The following DLG2 variants were observed in gnomAD, a reference collection of about 807,000 sequenced individuals.
The protein encoded by DLG2 is disks large homolog 2.
A neutral mutation model predicts 132.5 loss-of-function variants in DLG2; 45 were observed. That is an observed-to-expected ratio of 0.34 (90% CI 0.27 to 0.44). DLG2 has a LOEUF of 0.44. DLG2 is among the 20% of genes least tolerant of loss of function. DLG2 has a pLI of 1.00. For synonymous variants in DLG2, 424 were observed against 419.6 expected, an observed-to-expected ratio of 1.01 and a Z score of -0.13; for missense variants, 1,045 against 1,196.9, an observed-to-expected ratio of 0.87 and a Z score of 1.87.
intron 6 of DLG2, among the ~76,000 whole-genome samples, chr11:84,852,907 A>G (rs1350014656): frequency 3.3e-5 from 5 of 152,018 alleles, no homozygotes; most frequent in African/African-American, 1.2e-4. Flanking sequence ...CTAGTGCTAG[A>G]ACCTCCACAC....
chr11:83,926,461 T>TA (rs1341579319), intron 15 of DLG2, among the ~76,000 whole-genome samples: 1 of 152,166 alleles, frequency 6.6e-6, no homozygotes, highest in African/African-American at 2.4e-5. Context: ...TACTGCATCC[T>TA]AAAAATCAGG....
At chr11:85,169,139 GGGAACGC>G (rs2078665544) in intron 4 of DLG2, among the ~76,000 whole-genome samples, 2 of 152,030 alleles carry the variant, frequency 1.3e-5, no homozygotes, top group African/African-American at 2.4e-5. Context: ...CAAATACAAT[GGGAACGC>G]TATAAAAATA....
chr11:83,528,688 T>C (rs797017109), intron 21 of DLG2, among the ~76,000 whole-genome samples: 4 of 152,316 alleles, frequency 2.6e-5, no homozygotes, highest in African/African-American at 9.6e-5. Flanking sequence ...TGCTTGCACC[T>C]ACTAACTGTG....
At chr11:83,721,774 G>A (rs2088641251) in intron 18 of DLG2, among the ~76,000 whole-genome samples, 1 of 152,178 alleles carries the variant, frequency 6.6e-6, no homozygotes, top group South Asian at 2.1e-4. Flanking sequence ...TTCCACATAT[G>A]CAGCCAGAGG....
intron 6 of DLG2, among the ~76,000 whole-genome samples, chr11:84,804,207 T>G (rs943280512): frequency 1.3e-5 from 2 of 152,216 alleles, no homozygotes; most frequent in Non-Finnish European, 2.9e-5. Context: ...GCCTTTGCAT[T>G]CAGACTGTGA....
intron 11 of DLG2, among the ~76,000 whole-genome samples, chr11:84,058,504 T>TAAAATAATAATA (rs372631929): frequency 0.072 from 8,830 of 122,790 alleles, 386 homozygotes; most frequent in Middle Eastern, 0.086. Flanking sequence ...AAAAAACAAA[T>TAAAATAATAATA]ACAATAATAA....
intron 11 of DLG2, among the ~76,000 whole-genome samples, chr11:84,036,553 A>T (rs17146614): frequency 0.041 from 6,230 of 152,182 alleles, 382 homozygotes; most frequent in African/African-American, 0.14. Flanking sequence ...TTCACAATCA[A>T]CTATTACATT....
chr11:84,451,866 AAAGCTCAGTAAGATT>A (rs2099052526), intron 7 of DLG2, among the ~76,000 whole-genome samples: 1 of 151,848 alleles, frequency 6.6e-6, no homozygotes. Flanking sequence ...TGATTAAGGT[AAAGCTCAGTAAGATT>A]AAGGAAGTGA....
chr11:84,976,121 A>C (rs576470643), intron 6 of DLG2, among the ~76,000 whole-genome samples: 1 of 152,254 alleles, frequency 6.6e-6, no homozygotes, highest in Admixed American at 6.5e-5. Context: ...AAGAATGGTG[A>C]CATTATATGG....
At chr11:83,528,281 A>C (rs867071827) in intron 21 of DLG2, among the ~76,000 whole-genome samples, 1 of 152,214 alleles carries the variant, frequency 6.6e-6, no homozygotes, top group Non-Finnish European at 1.5e-5. Flanking sequence ...TTTCAAATGA[A>C]GAACCTCAGA....
rs552873770 is a variant in DLG2, at chr11:84,059,913, T to C, written c.750-429A>G. ...TACAATTATTTACAGACTAATTTTC[T>C]CAAATTTTTAATTTACTAGTTATAA... On this transcript the variant is annotated intron_variant, in intron 10 of 27. Transcript: ENST00000376104. Among the ~76,000 whole-genome samples, 4 of 152,336 alleles carry C rather than the reference T, an allele frequency of 2.6e-5. No homozygotes were observed. The East Asian group carries it at 7.7e-4, about 29-fold the overall frequency.
chr11:84,674,612 C>T (rs549973334), intron 6 of DLG2, among the ~76,000 whole-genome samples: 10 of 152,222 alleles, frequency 6.6e-5, no homozygotes, highest in African/African-American at 2.2e-4. Flanking sequence ...CTATTGACCA[C>T]TGTGACATGT....
At chr11:85,087,809 C>A (rs1423343960) in intron 6 of DLG2, among the ~76,000 whole-genome samples, 1 of 122,650 alleles carries the variant, frequency 8.2e-6, no homozygotes, top group Non-Finnish European at 1.6e-5. Flanking sequence ...CTGCAGTCCG[C>A]AGTCCGGCCT....
intron 4 of DLG2, among the ~76,000 whole-genome samples, chr11:85,267,163 A>G (rs548283795): frequency 3.8e-4 from 58 of 152,306 alleles, no homozygotes; most frequent in African/African-American, 1.3e-3. Flanking sequence ...CATGAATAGG[A>G]TAAGTACCCT....
chr11:83,549,331 T>G (rs1459576048), intron 19 of DLG2, among the ~76,000 whole-genome samples: 1 of 152,176 alleles, frequency 6.6e-6, no homozygotes, highest in East Asian at 1.9e-4. Flanking sequence ...CAGTCCACTC[T>G]TTCTAGCTGA....
intron 16 of DLG2, among the ~76,000 whole-genome samples, chr11:83,865,656 G>A (rs921677616): frequency 2.0e-5 from 3 of 151,958 alleles, no homozygotes; most frequent in Admixed American, 2.0e-4. Context: ...CATAATTCTG[G>A]CACACAGGTA....
In DLG2 at chr11:85,435,513, C is replaced by G. The variant is rs186090669; in HGVS notation, c.41-150148G>C. Among the ~76,000 whole-genome samples, 51 of 152,186 alleles carry G rather than the reference C, an allele frequency of 3.4e-4. No individual in the cohort carries two copies. In the East Asian group the frequency reaches 9.7e-3, roughly 29 times the overall value. ...AAAAATCACAAGCATTCTTACACAA[C>G]AACAAGAGACAAGCAGAAAGCCAAA... On this transcript the variant is annotated intron_variant, in intron 3 of 27. Transcript: ENST00000376104.
intron 6 of DLG2, among the ~76,000 whole-genome samples, chr11:85,028,309 T>C (rs1219374509): frequency 6.6e-6 from 1 of 151,504 alleles, no homozygotes; most frequent in East Asian, 1.9e-4. Context: ...CAGCCAAGAG[T>C]AGGTCGGGAA....
At chr11:84,205,431 ATTC>A (rs2096652540) in intron 8 of DLG2, among the ~76,000 whole-genome samples, 1 of 152,182 alleles carries the variant, frequency 6.6e-6, no homozygotes. Context: ...CATAATACAG[ATTC>A]TTTTTAAGCA....
Sources: allele counts gnomAD v4.1 joint callset (sites outside exome capture counted in the v4.1 genomes callset), GRCh38; gene constraint gnomAD v4.1.1; transcripts MANE v1.5; gene names NCBI Gene and HGNC (gene_info 2026-07-23, HGNC 2026-07-21).